Variants in CNTN1 observed in about 807,000 individuals in gnomAD.
The protein encoded by CNTN1 is contactin-1.
In CNTN1, 38 loss-of-function variants were observed where a neutral mutation model predicts 126.4. The ratio of observed to expected loss-of-function variants is 0.30; its 90% CI spans 0.23 to 0.39. The LOEUF is 0.39. CNTN1 is among the 10% of genes least tolerant of loss of function. The pLI is 1.00. For missense variants in CNTN1, 1,009 were observed against 1,248.4 expected (o/e 0.81, Z 2.89); for synonymous variants, 413 against 422.6 (o/e 0.98, Z 0.28).
Position 40,986,452 on chromosome 12 carries a change from G to A in CNTN1, c.1963+5385G>A, listed in dbSNP as rs1435601679. On this transcript the variant is annotated intron_variant, in intron 16 of 23. Coordinates refer to ENST00000551295, the MANE Select transcript of CNTN1 (RefSeq NM_001843.4). ...GTTTAGCACAGGCTTCAAGTAATTC[G>A]AATGTATGATCAGACCTCCTACATA... Among the ~76,000 whole-genome samples, 6 of 152,286 alleles carry A rather than the reference G, an allele frequency of 3.9e-5. No individual in the cohort carries two copies. The South Asian group carries it at 8.3e-4, about 21-fold the overall frequency.
At chr12:40,813,033 TC>T (rs1941127623) in intron 1 of CNTN1, among the ~76,000 whole-genome samples, 1 of 109,076 alleles carries the variant, frequency 9.2e-6, no homozygotes, top group Non-Finnish European at 1.9e-5. Context: ...TCTTTCTCTT[TC>T]TTTCCTTTCT....
At chr12:40,949,197 TG>T (rs1213373432) in intron 14 of CNTN1, among the ~76,000 whole-genome samples, 100 of 84,118 alleles carry the variant, frequency 1.2e-3, no homozygotes, top group African/African-American at 4.3e-3. Context: ...GAAGTCAATT[TG>T]TTTTTTTTTT....
chr12:40,732,113 T>G (rs1942514557), intron 1 of CNTN1, among the ~76,000 whole-genome samples: 1 of 151,958 alleles, frequency 6.6e-6, no homozygotes, highest in South Asian at 2.1e-4. Flanking sequence ...GCTAGAGAAA[T>G]TGCTCATTAA....
chr12:40,977,805 T>C (rs1197564363), intron 15 of CNTN1, among the ~76,000 whole-genome samples: 2 of 151,450 alleles, frequency 1.3e-5, no homozygotes, highest in Non-Finnish European at 2.9e-5. Flanking sequence ...TGTTTTGTTT[T>C]GTTTTGTTTT....
At chr12:40,810,199 A>G (rs1941006345) in intron 1 of CNTN1, among the ~76,000 whole-genome samples, 1 of 152,170 alleles carries the variant, frequency 6.6e-6, no homozygotes, top group Admixed American at 6.5e-5. Flanking sequence ...GCATTCCTAT[A>G]ATAAGCCCTC....
intron 23 of CNTN1, among the ~76,000 whole-genome samples, chr12:41,042,572 C>G (rs74822733): frequency 3.5e-4 from 53 of 151,870 alleles, no homozygotes; most frequent in Non-Finnish European, 6.2e-4. Flanking sequence ...GTAGGTCACT[C>G]AGGACTTGCT....
At position 40,939,409 on chromosome 12, in the gene CNTN1, G is replaced by A. The variant is rs568941586; in HGVS notation, c.1303G>A (p.Glu435Lys). The A allele has an allele frequency of 1.2e-6, 2 of 1,613,904 alleles. No homozygotes were observed. Among genetic ancestry groups the A allele is most frequent in the Non-Finnish European group, 1.7e-6 (2 of 1,179,942 alleles). The change falls in exon 12 of 24, where the codon GAA becomes AAA. Residue 435 changes from glutamate (E) to lysine (K), a missense_variant. Transcript: ENST00000551295. ...LAAKGGRVII[E>K]CKPKAAPKPK... The stretch of plus-strand genomic sequence containing the variant: ...TGCTAAAGGTGGAAGGGTGATAATT[G>A]AATGCAAACCTAAAGCTGCACCGAA...
At chr12:40,835,885 C>CATAT (rs1273336704) in intron 1 of CNTN1, among the ~76,000 whole-genome samples, 2 of 151,344 alleles carry the variant, frequency 1.3e-5, no homozygotes, top group African/African-American at 4.9e-5. Flanking sequence ...AAATTCTACA[C>CATAT]ATATGCCAGG....
chr12:40,785,414 C>A (rs7315792), intron 1 of CNTN1, among the ~76,000 whole-genome samples: 4 of 152,094 alleles, frequency 2.6e-5, no homozygotes, highest in Non-Finnish European at 4.4e-5. Flanking sequence ...ACTGTCTCAC[C>A]TGTCTGTGTG....
At chr12:40,749,779 A>AT (rs1483635814) in intron 1 of CNTN1, among the ~76,000 whole-genome samples, 24 of 96,672 alleles carry the variant, frequency 2.5e-4, no homozygotes, top group South Asian at 6.5e-4. Flanking sequence ...TGAAAAGTAA[A>AT]TCTATATGTC....
chr12:40,817,689 C>T lies in CNTN1; in HGVS notation c.-76-90668C>T, dbSNP rs188473940. 6.9e-4 allele frequency among the ~76,000 whole-genome samples: 104 copies of T among 151,652 alleles called. 1 individual carries two copies. Among genetic ancestry groups the T allele is most frequent in the Admixed American group, 6.1e-3 (93 of 15,216 alleles). On this transcript the variant is annotated intron_variant, in intron 1 of 23. Transcript: ENST00000551295. Reference sequence around the variant, plus strand: ...CATTTTAGGTTAATATTGTTATGTGCGAGTTTGATCCTATCATCATGATGC... The same window carrying T: ...CATTTTAGGTTAATATTGTTATGTGTGAGTTTGATCCTATCATCATGATGC...
intron 21 of CNTN1, among the ~76,000 whole-genome samples, chr12:41,026,724 A>T (rs1037734667): frequency 6.6e-6 from 1 of 152,192 alleles, no homozygotes; most frequent in East Asian, 1.9e-4. Flanking sequence ...CTTTCTAAAC[A>T]TGATAAGAAG....
intron 1 of CNTN1, among the ~76,000 whole-genome samples, chr12:40,800,570 GT>G (rs1565754098): frequency 6.6e-6 from 1 of 151,906 alleles, no homozygotes; most frequent in Non-Finnish European, 1.5e-5. Context: ...GACAACTGAG[GT>G]TTTCTCACTT....
intron 1 of CNTN1, among the ~76,000 whole-genome samples, chr12:40,890,297 C>T (rs555555295): frequency 9.3e-4 from 141 of 152,252 alleles, no homozygotes; most frequent in African/African-American, 3.2e-3. Context: ...GTCAACATCC[C>T]GCACCAAAGT....
intron 23 of CNTN1, among the ~76,000 whole-genome samples, chr12:41,037,198 G>T (rs1315675785): frequency 6.6e-6 from 1 of 152,028 alleles, no homozygotes; most frequent in African/African-American, 2.4e-5. Context: ...TATGCAAAAT[G>T]ATGAATTCTG....
intron 1 of CNTN1, among the ~76,000 whole-genome samples, chr12:40,697,542 C>G (rs967830123): frequency 1.3e-5 from 2 of 152,114 alleles, no homozygotes; most frequent in African/African-American, 2.4e-5. Context: ...AAATGTATAG[C>G]TTTACTGTAG....
intron 23 of CNTN1, among the ~76,000 whole-genome samples, chr12:41,062,385 T>C (rs2121113913): frequency 6.6e-6 from 1 of 152,278 alleles, no homozygotes; most frequent in South Asian, 2.1e-4. Flanking sequence ...TACTGAAAAT[T>C]GTATGCTAGT....
chr12:40,850,864 T>C (rs1033186294), intron 1 of CNTN1, among the ~76,000 whole-genome samples: 3 of 152,212 alleles, frequency 2.0e-5, no homozygotes, highest in African/African-American at 7.2e-5. Flanking sequence ...CCCCATTTTA[T>C]TCTTTTTCAT....
chr12:40,980,464 A>AT (rs397738030), intron 15 of CNTN1, among the ~76,000 whole-genome samples: 2 of 148,566 alleles, frequency 1.3e-5, no homozygotes, highest in African/African-American at 2.5e-5. Context: ...AAAAAAAAAA[A>AT]GCCACAAAGA....
Sources: allele counts gnomAD v4.1 joint callset (sites outside exome capture counted in the v4.1 genomes callset), GRCh38; gene constraint gnomAD v4.1.1; transcripts MANE v1.5; gene names NCBI Gene and HGNC (gene_info 2026-07-23, HGNC 2026-07-21).